INPP4B: variants seen among roughly 807,000 people sequenced by gnomAD.
The protein encoded by INPP4B is inositol polyphosphate-4-phosphatase type II B.
Under a neutral mutation model 122.5 loss-of-function variants are expected in INPP4B, and 55 were observed. The ratio of observed to expected loss-of-function variants is 0.45; its 90% CI spans 0.36 to 0.56. INPP4B has a LOEUF of 0.56. INPP4B is among the 20% of genes least tolerant of loss of function. INPP4B has a pLI of 0.00. For synonymous variants in INPP4B, 403 were observed against 388.7 expected (o/e 1.04, Z -0.43); for missense variants, 1,000 against 1,097.7 (o/e 0.91, Z 1.26).
intron 5 of INPP4B, among the ~76,000 whole-genome samples, chr4:142,417,795 T>G (rs1165604849): frequency 6.6e-6 from 1 of 152,048 alleles, no homozygotes; most frequent in Non-Finnish European, 1.5e-5. Flanking sequence ...ATCCAAAGGC[T>G]CTCTCAGGCT....
chr4:142,448,401 A>G (rs1312358720), intron 3 of INPP4B, among the ~76,000 whole-genome samples: 5 of 151,772 alleles, frequency 3.3e-5, no homozygotes, highest in African/African-American at 1.2e-4. Flanking sequence ...TTCAATAGTG[A>G]AGCATTAAAC....
chr4:142,176,580 T>C (rs916404951), intron 15 of INPP4B, among the ~76,000 whole-genome samples: 1 of 152,184 alleles, frequency 6.6e-6, no homozygotes, highest in Non-Finnish European at 1.5e-5. Context: ...CTAATATTTA[T>C]TCTGCACATG....
intron 8 of INPP4B, 38 bp from the exon 9 acceptor site, chr4:142,305,575 G>T (rs761437608): frequency 6.3e-7 from 1 of 1,581,758 alleles, no homozygotes; most frequent in South Asian, 1.1e-5. Context: ...TTAACTTGAG[G>T]TTCTTTAATA....
intron 2 of INPP4B, among the ~76,000 whole-genome samples, chr4:142,479,694 C>A (rs548866599): frequency 2.3e-4 from 35 of 152,158 alleles, no homozygotes; most frequent in African/African-American, 8.2e-4. Context: ...TAATCCTAAG[C>A]GAACTAATGC....
At chr4:142,137,024 GA>G (rs1283135045) in intron 18 of INPP4B, among the ~76,000 whole-genome samples, 1 of 152,038 alleles carries the variant, frequency 6.6e-6, no homozygotes, top group Non-Finnish European at 1.5e-5. Flanking sequence ...CATAGAATTG[GA>G]AAAAACTACT....
chr4:142,298,376 C>G (rs1283788025), intron 9 of INPP4B, among the ~76,000 whole-genome samples: 1 of 152,036 alleles, frequency 6.6e-6, no homozygotes. Flanking sequence ...GGTTTGAAGT[C>G]TTCTCTGGTC....
intron 10 of INPP4B, among the ~76,000 whole-genome samples, chr4:142,264,292 T>A (rs1182735322): frequency 3.3e-5 from 5 of 152,180 alleles, no homozygotes; most frequent in African/African-American, 1.2e-4. Flanking sequence ...AGTTGTTAAA[T>A]TCTGGTTTCA....
chr4:142,747,775 A>G (rs905513485), intron 1 of INPP4B, among the ~76,000 whole-genome samples: 3 of 152,162 alleles, frequency 2.0e-5, no homozygotes, highest in Non-Finnish European at 4.4e-5. Flanking sequence ...CAAAAACAGA[A>G]AACCAAACAC....
At chr4:142,510,814 A>C (rs1029949865) in intron 2 of INPP4B, among the ~76,000 whole-genome samples, 2 of 152,318 alleles carry the variant, frequency 1.3e-5, no homozygotes, top group Middle Eastern at 3.4e-3. Context: ...TGAGAAGTAA[A>C]ATTATGAAAT....
chr4:142,394,677 T>G (rs975957776), intron 7 of INPP4B, among the ~76,000 whole-genome samples: 2 of 152,232 alleles, frequency 1.3e-5, no homozygotes, highest in Admixed American at 1.3e-4. Context: ...GTTTTCTCAT[T>G]ATTGAGTTGT....
At position 142,224,704 on chromosome 4, in the gene INPP4B, A is replaced by G. The variant is rs1907121; in HGVS notation, c.836+13160T>C. Among the ~76,000 whole-genome samples, 399 of 152,268 alleles carry G rather than the reference A, an allele frequency of 2.6e-3. 5 individuals carry two copies. The highest frequency in any genetic ancestry group is 8.1e-3 in the African/African-American group (337 of 41,568). Reference sequence around the variant, plus strand: ...AGGATATAGATACATACATAGATATATTTATCACTGTTCTAAAATATAGCT... The same window carrying G: ...AGGATATAGATACATACATAGATATGTTTATCACTGTTCTAAAATATAGCT... On this transcript the variant is annotated intron_variant, in intron 12 of 25. Transcript: ENST00000262992.
intron 2 of INPP4B, among the ~76,000 whole-genome samples, chr4:142,564,942 GA>G (rs1731309681): frequency 6.6e-6 from 1 of 152,102 alleles, no homozygotes; most frequent in Non-Finnish European, 1.5e-5. Context: ...TTAGTCTATA[GA>G]ACATATTCAA....
intron 15 of INPP4B, among the ~76,000 whole-genome samples, chr4:142,179,548 T>C (rs1829854776): frequency 2.8e-5 from 1 of 35,124 alleles, no homozygotes; most frequent in South Asian, 1.0e-3. Context: ...GATTCTGCCA[T>C]TTATTAGCTC....
chr4:142,741,782 T>C (rs915212091), intron 1 of INPP4B, among the ~76,000 whole-genome samples: 4 of 151,632 alleles, frequency 2.6e-5, no homozygotes, highest in African/African-American at 7.2e-5. Context: ...AAATAGGAAG[T>C]TCTAATTTGT....
At chr4:142,122,584 C>T (rs892395185) in intron 20 of INPP4B, among the ~76,000 whole-genome samples, 4 of 152,052 alleles carry the variant, frequency 2.6e-5, no homozygotes, top group African/African-American at 9.7e-5. Flanking sequence ...ACAGAGGTAG[C>T]TGAATTTATC....
At chr4:142,705,788 G>T (rs1457964431) in intron 2 of INPP4B, among the ~76,000 whole-genome samples, 1 of 152,162 alleles carries the variant, frequency 6.6e-6, no homozygotes, top group East Asian at 1.9e-4. Context: ...ATGAGATAAT[G>T]TACAAGGTTT....
intron 12 of INPP4B, among the ~76,000 whole-genome samples, chr4:142,215,856 A>G (rs3102435): frequency 0.86 from 121,929 of 142,230 alleles, 53,553 homozygotes; most frequent in East Asian, 0.96. Context: ...TTGTGCCACT[A>G]CACTCCAGCC....
chr4:142,271,188 C>A (rs1745643911), intron 9 of INPP4B, among the ~76,000 whole-genome samples: 1 of 152,142 alleles, frequency 6.6e-6, no homozygotes, highest in African/African-American at 2.4e-5. Context: ...GGTGATCCAC[C>A]CGCCTAGGCC....
At chr4:142,560,156 CT>C (rs1730135237) in intron 2 of INPP4B, among the ~76,000 whole-genome samples, 1 of 152,164 alleles carries the variant, frequency 6.6e-6, no homozygotes, top group South Asian at 2.1e-4. Context: ...AAGTGAGGCG[CT>C]ATAGTGAGAT....
Sources: gnomAD v4.1 joint callset for allele counts (sites outside exome capture counted in the v4.1 genomes callset) on GRCh38, gnomAD v4.1.1 for gene constraint, MANE v1.5 for transcripts, NCBI Gene and HGNC (gene_info 2026-07-23, HGNC 2026-07-21) for gene names.